ZMYM4: variants seen among roughly 807,000 people sequenced by gnomAD.
The protein encoded by ZMYM4 is zinc finger MYM-type protein 4.
A neutral mutation model predicts 183.2 loss-of-function variants in ZMYM4; 31 were observed. The observed-to-expected ratio is 0.17, with a 90% CI of 0.13 to 0.23. The LOEUF (loss-of-function observed/expected upper bound fraction) is 0.23. Among genes scored for constraint, ZMYM4 ranks in the 10% least tolerant of loss-of-function variants. ZMYM4 has a pLI of 1.00. For missense variants in ZMYM4, 1,273 were observed against 1,840.3 expected, an observed-to-expected ratio of 0.69 and a Z score of 5.64; for synonymous variants, 592 against 631.2, an observed-to-expected ratio of 0.94 and a Z score of 0.93.
Position 35,268,913 on chromosome 1 carries a change from C to G in ZMYM4, c.-134C>G. The G allele has an allele frequency of 9.5e-7, 1 of 1,050,126 alleles. No individual in the cohort carries two copies. The highest frequency in any genetic ancestry group is 1.2e-6 in the Non-Finnish European group (1 of 811,562). 65.1% of individuals were successfully genotyped at this position (1,050,126 alleles called of 1,614,324 possible). A position where few individuals can be genotyped will look rare whatever the true frequency, so the allele number is the denominator to read the frequency against. ...GCGGCATCCGCCCCCTCCCCACTCT[C>G]GGCGCAAGGCCCGGCCGGGTCCGGG... On this transcript the variant is annotated 5_prime_UTR_variant, in exon 1 of 30. Transcript: ENST00000314607.
intron 4 of ZMYM4, 62 bp from the exon 5 acceptor site, chr1:35,361,557 A>G (rs1643936764): frequency 1.3e-6 from 2 of 1,540,752 alleles, no homozygotes; most frequent in African/African-American, 2.8e-5. Flanking sequence ...TTTGGGTGTT[A>G]AACCTGAAGA....
At chr1:35,352,187 C>G (rs1171205913) in intron 2 of ZMYM4, among the ~76,000 whole-genome samples, 1 of 152,056 alleles carries the variant, frequency 6.6e-6, no homozygotes, top group Non-Finnish European at 1.5e-5. Flanking sequence ...TCGCTTGAGT[C>G]CAGGAGTTCA....
At position 35,407,877 on chromosome 1, in the gene ZMYM4, C is replaced by T. The variant is rs1034898225; in HGVS notation, c.3797-131C>T. Reference sequence around the variant, plus strand: ...AAGTAGACTTGAGATCAGAATCTGTCTTTAATCCATATACCCACTAGTCTG... The same window carrying T: ...AAGTAGACTTGAGATCAGAATCTGTTTTTAATCCATATACCCACTAGTCTG... On this transcript the variant is annotated intron_variant, in intron 25 of 29. Coordinates refer to ENST00000314607, the MANE Select transcript of ZMYM4 (RefSeq NM_005095.3). 5 of 1,148,878 alleles carry T rather than the reference C, an allele frequency of 4.4e-6. No individual in the cohort carries two copies. The Admixed American group carries it at 6.6e-5, about 15-fold the overall frequency. 71.2% of individuals were successfully genotyped at this position (1,148,878 alleles called of 1,614,324 possible). A position where few individuals can be genotyped will look rare whatever the true frequency, so the allele number is the denominator to read the frequency against.
intron 1 of ZMYM4, among the ~76,000 whole-genome samples, chr1:35,294,784 G>T (rs1025275720): frequency 6.6e-6 from 1 of 152,026 alleles, no homozygotes; most frequent in African/African-American, 2.4e-5. Context: ...CTTTCCAAGC[G>T]TAAACAAAAA....
At chr1:35,392,549 A>T in intron 16 of ZMYM4, 98 bp from the exon 17 acceptor site, 1 of 1,301,080 alleles carries the variant, frequency 7.7e-7, no homozygotes, top group South Asian at 1.3e-5. Context: ...ACATGTTCTT[A>T]GTATGAGGGT....
intron 28 of ZMYM4, 149 bp from the exon 29 acceptor site, chr1:35,418,294 A>T: frequency 2.6e-6 from 2 of 766,720 alleles, no homozygotes; most frequent in African/African-American, 1.8e-5. Flanking sequence ...GCACCTTCAT[A>T]GGCACTCAGT....
chr1:35,349,207 C>T (rs1360021826), intron 2 of ZMYM4, among the ~76,000 whole-genome samples: 4 of 152,092 alleles, frequency 2.6e-5, no homozygotes, highest in African/African-American at 7.2e-5. Flanking sequence ...AGGCTCATCT[C>T]GAACTCCTGA....
intron 28 of ZMYM4, among the ~76,000 whole-genome samples, chr1:35,416,908 T>TTCCCTGTTTGCTGATTGGGTGC (rs1553183465): frequency 1.3e-5 from 2 of 152,202 alleles, no homozygotes; most frequent in Non-Finnish European, 2.9e-5. Context: ...TGGATAATGT[T>TTCCCTGTTTGCTGATTGGGTGC]TCCCTGTTTG....
intron 2 of ZMYM4, among the ~76,000 whole-genome samples, chr1:35,352,963 T>C (rs1189399619): frequency 6.6e-6 from 1 of 152,224 alleles, no homozygotes; most frequent in Non-Finnish European, 1.5e-5. Context: ...TATATCCAAC[T>C]GTCTTCTTGA....
intron 22 of ZMYM4, 83 bp downstream of exon 22, chr1:35,399,126 C>A: frequency 7.5e-7 from 1 of 1,335,898 alleles, no homozygotes; most frequent in Non-Finnish European, 1.0e-6. Context: ...TTAAGCAGTG[C>A]CAATTGTTAT....
At chr1:35,304,895 G>A (rs1259268069) in intron 1 of ZMYM4, among the ~76,000 whole-genome samples, 1 of 151,980 alleles carries the variant, frequency 6.6e-6, no homozygotes, top group Non-Finnish European at 1.5e-5. Flanking sequence ...CCCCAGGCTG[G>A]AGTGCTGTGG....
chr1:35,276,119 G>A (rs1176249090), intron 1 of ZMYM4, among the ~76,000 whole-genome samples: 2 of 152,054 alleles, frequency 1.3e-5, no homozygotes, highest in African/African-American at 4.8e-5. Context: ...AGAATCATAT[G>A]TGTTTTTCTT....
chr1:35,319,609 C>G (rs1188470830), intron 1 of ZMYM4, among the ~76,000 whole-genome samples: 1 of 151,964 alleles, frequency 6.6e-6, no homozygotes, highest in Non-Finnish European at 1.5e-5. Context: ...GGCAACAGAG[C>G]AAGACCCGTC....
At chr1:35,293,062 A>G (rs1408140994) in intron 1 of ZMYM4, among the ~76,000 whole-genome samples, 1 of 150,184 alleles carries the variant, frequency 6.7e-6, no homozygotes, top group Non-Finnish European at 1.5e-5. Context: ...GTATGGTGGC[A>G]TGATCATGAC....
intron 2 of ZMYM4, chr1:35,350,997 A>G: frequency 1.2e-6 from 1 of 846,198 alleles, no homozygotes; most frequent in Non-Finnish European, 1.9e-6. Flanking sequence ...TGGCCTGACA[A>G]ATTATGCTGC....
intron 7 of ZMYM4, among the ~76,000 whole-genome samples, chr1:35,372,624 G>T (rs1223545809): frequency 6.6e-6 from 1 of 152,074 alleles, no homozygotes; most frequent in East Asian, 1.9e-4. Context: ...ACACACACAG[G>T]TTGAGTGTCT....
intron 7 of ZMYM4, among the ~76,000 whole-genome samples, chr1:35,380,913 A>G (rs1451550732): frequency 2.0e-5 from 3 of 152,190 alleles, no homozygotes; most frequent in Admixed American, 2.0e-4. Context: ...TTTTTAAAGA[A>G]TATTTTGAAA....
At chr1:35,308,791 G>T (rs1243660303) in intron 1 of ZMYM4, among the ~76,000 whole-genome samples, 3 of 152,132 alleles carry the variant, frequency 2.0e-5, no homozygotes, top group African/African-American at 7.2e-5. Flanking sequence ...AACGTGGGGG[G>T]TGGAGGTTGC....
At chr1:35,302,532 C>T (rs1265319489) in intron 1 of ZMYM4, among the ~76,000 whole-genome samples, 3 of 151,638 alleles carry the variant, frequency 2.0e-5, no homozygotes, top group Admixed American at 2.0e-4. Flanking sequence ...ACTATGGGTG[C>T]CTGCCACAAT....
Sources: allele counts gnomAD v4.1 joint callset (sites outside exome capture counted in the v4.1 genomes callset), GRCh38; gene constraint gnomAD v4.1.1; transcripts MANE v1.5; gene names NCBI Gene and HGNC (gene_info 2026-07-23, HGNC 2026-07-21).